Variants in ABLIM3 observed in about 807,000 individuals in gnomAD.
The protein encoded by ABLIM3 is actin binding LIM protein family member 3.
In ABLIM3, 61 loss-of-function variants were observed where a neutral mutation model predicts 109.5. That is an observed-to-expected ratio of 0.56 (90% CI 0.45 to 0.69). The LOEUF (loss-of-function observed/expected upper bound fraction) is 0.69, where lower values mean the gene tolerates loss of function less well. Among genes scored for constraint, ABLIM3 ranks in the 30% least tolerant of loss-of-function variants. The probability of loss-of-function intolerance (pLI) is 0.00; values close to 1 mark genes in which losing one functional copy is unlikely to be tolerated. For synonymous variants in ABLIM3, 300 were observed against 324.8 expected (o/e 0.92, Z 0.82); for missense variants, 796 against 889.5 (o/e 0.89, Z 1.34).
chr5:149,153,117 T>A (rs1056423020), intron 2 of ABLIM3, among the ~76,000 whole-genome samples: 14 of 152,256 alleles, frequency 9.2e-5, no homozygotes, highest in Non-Finnish European at 1.9e-4. Flanking sequence ...TCTAGGGTCA[T>A]CTTTCTGATC....
intron 23 of ABLIM3, among the ~76,000 whole-genome samples, chr5:149,257,100 T>C (rs1581260820): frequency 1.3e-5 from 2 of 151,860 alleles, no homozygotes; most frequent in Non-Finnish European, 2.9e-5. Context: ...AGCTCAGGAG[T>C]TCAAGACCAG....
chr5:149,242,547 A>G lies in ABLIM3; in HGVS notation c.1351+9A>G. 1.2e-6 allele frequency: 2 copies of G among 1,614,116 alleles called. No individual in the cohort carries two copies. Among genetic ancestry groups the G allele is most frequent in the Non-Finnish European group, 1.7e-6 (2 of 1,180,002 alleles). ...GATCTACAAACGGCATGGTATGGTC[A>G]GAGGTAGATAGGGCTTGGCCACACA... is the stretch of plus-strand genomic sequence containing the variant. On this transcript the variant is annotated intron_variant, in intron 15 of 23. Transcript: ENST00000309868.
intron 11 of ABLIM3, 49 bp downstream of exon 11, chr5:149,237,652 G>A: frequency 6.2e-7 from 1 of 1,607,438 alleles, no homozygotes; most frequent in Non-Finnish European, 8.5e-7. Flanking sequence ...AAAGGAGATT[G>A]CTCTGGGGTC....
chr5:149,169,425 C>A (rs1386550165), intron 2 of ABLIM3, among the ~76,000 whole-genome samples: 1 of 152,078 alleles, frequency 6.6e-6, no homozygotes, highest in Non-Finnish European at 1.5e-5. Flanking sequence ...CCAAGAAAAC[C>A]TTCCCAGGAC....
intron 14 of ABLIM3, among the ~76,000 whole-genome samples, chr5:149,241,216 T>G (rs1277680428): frequency 6.6e-6 from 1 of 152,244 alleles, no homozygotes; most frequent in Non-Finnish European, 1.5e-5. Flanking sequence ...TAAGCACTGT[T>G]CTGGGCTCAG....
At chr5:149,228,806 C>T (rs920447582) in intron 8 of ABLIM3, among the ~76,000 whole-genome samples, 2 of 151,862 alleles carry the variant, frequency 1.3e-5, no homozygotes, top group African/African-American at 2.4e-5. Flanking sequence ...TGTAAATATG[C>T]TTTCCGGTAT....
At chr5:149,175,324 G>A (rs976106950) in intron 2 of ABLIM3, among the ~76,000 whole-genome samples, 1 of 152,196 alleles carries the variant, frequency 6.6e-6, no homozygotes, top group Non-Finnish European at 1.5e-5. Flanking sequence ...GCAGAAAACA[G>A]GGACAAAATG....
chr5:149,239,473 G>T (rs1752570708), intron 12 of ABLIM3, among the ~76,000 whole-genome samples, 196 bp downstream of exon 12: 1 of 152,158 alleles, frequency 6.6e-6, no homozygotes, highest in South Asian at 2.1e-4. Flanking sequence ...TGCCCTTCCT[G>T]CCCAGAGATG....
At position 149,259,465 on chromosome 5, in the gene ABLIM3, T is replaced by C; in HGVS notation, c.*1061T>C. ...AAGAAAGGTTCTTGGTCTATGCCTC[T>C]GGTCTGTGGGCTGGCAGGGCAACCA... On this transcript the variant is annotated 3_prime_UTR_variant, in exon 24 of 24. Coordinates refer to ENST00000309868, the MANE Select transcript of ABLIM3 (RefSeq NM_014945.5). The C allele has an allele frequency of 6.5e-7, 1 of 1,535,722 alleles. No homozygotes were observed. Among genetic ancestry groups the C allele is most frequent in the Non-Finnish European group, 8.7e-7 (1 of 1,146,792 alleles).
chr5:149,243,617 G>C (rs923365591), intron 15 of ABLIM3: 2 of 152,564 alleles, frequency 1.3e-5, no homozygotes, highest in African/African-American at 4.8e-5. Flanking sequence ...GGCTGAGCAG[G>C]GGGGTCCGAG....
chr5:149,198,254 T>G lies in ABLIM3; in HGVS notation c.187T>G (p.Phe63Val), dbSNP rs1289088408. 1 of 1,613,976 alleles carries G rather than the reference T, an allele frequency of 6.2e-7. No homozygotes were observed. Among genetic ancestry groups the G allele is most frequent in the Non-Finnish European group, 8.5e-7 (1 of 1,179,930 alleles). The change falls in exon 4 of 24, where the codon TTC becomes GTC. Residue 63 changes from phenylalanine to valine, a missense_variant. Transcript: ENST00000309868. The surrounding 1 kb of genome is among the most constrained non-coding windows in gnomAD (Gnocchi z 4.2). ...TGGCCTGGCCCAGTCAGGCTTCTTCTTCAAGAACCAGGAGTACATCTGCAC... is the reference window on the plus strand; with the variant it reads ...TGGCCTGGCCCAGTCAGGCTTCTTCGTCAAGAACCAGGAGTACATCTGCAC... Reference protein sequence around the residue: ...GCGLAQSGFFFKNQEYICTQD... With the variant: ...GCGLAQSGFFVKNQEYICTQD...
chr5:149,157,093 G>T (rs1002661631), intron 2 of ABLIM3, among the ~76,000 whole-genome samples: 1 of 152,206 alleles, frequency 6.6e-6, no homozygotes, highest in East Asian at 1.9e-4. Flanking sequence ...ACACAGAGAG[G>T]ACCAGAAAGC....
rs1314159034 is a variant in ABLIM3 at position 149,242,506 on chromosome 5, T to C, written c.1319T>C (p.Ile440Thr). 1 of 1,613,946 alleles carries C rather than the reference T, an allele frequency of 6.2e-7. No individual in the cohort carries two copies. The highest frequency in any genetic ancestry group is 1.3e-5 in the African/African-American group (1 of 74,886). Residue 440 changes from isoleucine to threonine, a missense_variant, in exon 15 of 24, where the codon ATC becomes ACC. Ile to Thr is a moderately conservative substitution (Grantham distance 89, BLOSUM62 -1). Transcript: ENST00000309868. ...TGTCTGGCAGCTGGAGACAGTAACA[T>C]CTACCGGAAACCCCCGATCTACAAA... ...HFHIPAGDSN[I>T]YRKPPIYKRH... is the part of the protein sequence containing the mutation.
In ABLIM3 at chr5:149,258,921, G is replaced by A. The variant is rs1754680505; in HGVS notation, c.*517G>A. 2 of 990,628 alleles carry A rather than the reference G, an allele frequency of 2.0e-6. No homozygotes were observed. The highest frequency in any genetic ancestry group is 2.4e-6 in the Non-Finnish European group (2 of 833,386). 61.4% of individuals were successfully genotyped at this position (990,628 alleles called of 1,614,324 possible). A position where few individuals can be genotyped will look rare whatever the true frequency, so the allele number is the denominator to read the frequency against. ...CCAATTAGGAGCTCAGTGCTCTCTT[G>A]GGGCAATGCAGTTAAAAGGGTGAGC... On this transcript the variant is annotated 3_prime_UTR_variant, in exon 24 of 24. Transcript: ENST00000309868.
At chr5:149,146,910 G>C (rs1752983270) in intron 2 of ABLIM3, among the ~76,000 whole-genome samples, 1 of 152,142 alleles carries the variant, frequency 6.6e-6, no homozygotes, top group South Asian at 2.1e-4. Flanking sequence ...TGGGCAGTAT[G>C]GCTGTTTTAA....
chr5:149,187,090 G>A (rs1291180297), intron 3 of ABLIM3, among the ~76,000 whole-genome samples: 4 of 152,126 alleles, frequency 2.6e-5, no homozygotes, highest in Admixed American at 2.6e-4. Context: ...CTAATATATG[G>A]AGAATATAGT....
intron 5 of ABLIM3, among the ~76,000 whole-genome samples, chr5:149,206,444 A>G (rs185710938): frequency 1.2e-4 from 19 of 152,352 alleles, no homozygotes; most frequent in Non-Finnish European, 1.5e-4. Context: ...AGTTACTGCT[A>G]TGGGCTGAGC....
In ABLIM3 at chr5:149,239,359, G is replaced by C. The variant is rs1009580840; in HGVS notation, c.1074+82G>C. On this transcript the variant is annotated intron_variant, in intron 12 of 23. Coordinates refer to ENST00000309868, the MANE Select transcript of ABLIM3 (RefSeq NM_014945.5). ...TTCACCCATCCCCAGCCCCCCGAAG[G>C]TGTCTGAGCCCTTGCCCAAGGTATT... 2.0e-5 allele frequency: 29 copies of C among 1,485,940 alleles called. No individual in the cohort carries two copies. The East Asian group carries it at 6.3e-4, about 32-fold the overall frequency. The allele number at this position is 1,485,940 out of a possible 1,614,324, so 92.0% of individuals were successfully genotyped here.
At chr5:149,183,682 G>C in intron 3 of ABLIM3, 93 bp downstream of exon 3, 1 of 1,354,014 alleles carries the variant, frequency 7.4e-7, no homozygotes, top group African/African-American at 1.5e-5. Flanking sequence ...ACAAACACAG[G>C]TGGCTGGAAT....
Sources: allele counts gnomAD v4.1 joint callset (sites outside exome capture counted in the v4.1 genomes callset), GRCh38; gene constraint gnomAD v4.1.1; non-coding constraint Gnocchi (gnomAD v3.1); transcripts MANE v1.5; gene names NCBI Gene and HGNC (gene_info 2026-07-23, HGNC 2026-07-21).